Variants in TNIK observed in about 807,000 individuals in gnomAD.
TNIK encodes the protein TRAF2 and NCK-interacting protein kinase.
Under a neutral mutation model 191.3 loss-of-function variants are expected in TNIK, and 49 were observed. The observed-to-expected ratio is 0.26, with a 90% CI of 0.20 to 0.32. The LOEUF is 0.32. Among genes scored for constraint, TNIK ranks in the 10% least tolerant of loss-of-function variants. The pLI is 1.00. For missense variants in TNIK, 1,155 were observed against 1,702.3 expected, an observed-to-expected ratio of 0.68 and a Z score of 5.66; for synonymous variants, 594 against 600.9, an observed-to-expected ratio of 0.99 and a Z score of 0.17.
chr3:171,079,289 A>C (rs576160015), intron 28 of TNIK, among the ~76,000 whole-genome samples: 1 of 152,212 alleles, frequency 6.6e-6, no homozygotes. Flanking sequence ...TTTGGAAGAA[A>C]GTAGATATAA....
rs189467511 is a variant in TNIK, at chr3:171,155,951, C to T, written c.1221+1509G>A. Among the ~76,000 whole-genome samples, 66 of 152,304 alleles carry T rather than the reference C, an allele frequency of 4.3e-4. 1 individual carries two copies. The East Asian group carries it at 0.012, about 27-fold the overall frequency. On this transcript the variant is annotated intron_variant, in intron 12 of 32. Transcript: ENST00000436636. ...TAACAAGTTATTAACCTCTCTAAGA[C>T]TCAGCTGCATTATCTTTAGACTGGA...
At chr3:171,405,490 C>T (rs1487168964) in intron 1 of TNIK, among the ~76,000 whole-genome samples, 1 of 139,406 alleles carries the variant, frequency 7.2e-6, no homozygotes, top group African/African-American at 2.8e-5. Context: ...CAAGACAACT[C>T]TCAATCACCA....
intron 18 of TNIK, among the ~76,000 whole-genome samples, chr3:171,117,379 C>T (rs973103593): frequency 4.6e-5 from 7 of 152,286 alleles, no homozygotes; most frequent in Admixed American, 3.3e-4. Context: ...AATCTTGGCT[C>T]TACCACTTAC....
intron 1 of TNIK, among the ~76,000 whole-genome samples, chr3:171,390,735 G>A (rs1719388249): frequency 6.6e-6 from 1 of 152,224 alleles, no homozygotes; most frequent in South Asian, 2.1e-4. Context: ...GACTGGCAGA[G>A]AGGGTGCATA....
chr3:171,431,955 T>C (rs1428188140), intron 1 of TNIK, among the ~76,000 whole-genome samples: 1 of 152,240 alleles, frequency 6.6e-6, no homozygotes, highest in Non-Finnish European at 1.5e-5. Flanking sequence ...GGGAAATGAT[T>C]GATTTTCCTT....
At chr3:171,323,161 C>A (rs1755358582) in intron 2 of TNIK, among the ~76,000 whole-genome samples, 1 of 152,174 alleles carries the variant, frequency 6.6e-6, no homozygotes, top group Admixed American at 6.5e-5. Context: ...ATTGAAATAT[C>A]TACTCTCTAG....
At chr3:171,078,740 G>A (rs1004878716) in intron 28 of TNIK, among the ~76,000 whole-genome samples, 4 of 152,096 alleles carry the variant, frequency 2.6e-5, no homozygotes, top group African/African-American at 9.7e-5. Context: ...CACTTCAAAT[G>A]TTAGTACCTG....
rs867066838 is a variant in TNIK, at chr3:171,060,696, G to A, written c.*3185C>T. Among the ~76,000 whole-genome samples the A allele has an allele frequency of 6.6e-6, 1 of 152,156 alleles. No individual in the cohort carries two copies. Among genetic ancestry groups the A allele is most frequent in the African/African-American group, 2.4e-5 (1 of 41,442 alleles). ...CAGTGGTCTGGCTGGAACTGGCAGG[G>A]GGAAGAGCCTCATTATTTGAAGGAA... On this transcript the variant is annotated 3_prime_UTR_variant, in exon 33 of 33. Transcript: ENST00000436636.
At chr3:171,221,101 T>C (rs1450433875) in intron 3 of TNIK, among the ~76,000 whole-genome samples, 1 of 152,194 alleles carries the variant, frequency 6.6e-6, no homozygotes, top group Non-Finnish European at 1.5e-5. Flanking sequence ...CTACATGCTG[T>C]ATAGCATACA....
intron 2 of TNIK, among the ~76,000 whole-genome samples, chr3:171,338,275 T>C (rs190720141): frequency 6.6e-6 from 1 of 152,232 alleles, no homozygotes; most frequent in East Asian, 1.9e-4. Flanking sequence ...AAAAGTGACA[T>C]GTATAGGGGT....
At chr3:171,396,202 A>G (rs1163602847) in intron 1 of TNIK, among the ~76,000 whole-genome samples, 1 of 152,152 alleles carries the variant, frequency 6.6e-6, no homozygotes, top group Non-Finnish European at 1.5e-5. Flanking sequence ...ATGAAATCAT[A>G]CAATATGTGA....
At chr3:171,448,446 T>G (rs752196287) in intron 1 of TNIK, among the ~76,000 whole-genome samples, 3 of 152,204 alleles carry the variant, frequency 2.0e-5, no homozygotes, top group Non-Finnish European at 4.4e-5. Flanking sequence ...CAGCACTTCC[T>G]TTTATTGTAG....
At chr3:171,212,223 T>TCTC (rs1740921209) in intron 3 of TNIK, among the ~76,000 whole-genome samples, 1 of 152,098 alleles carries the variant, frequency 6.6e-6, no homozygotes, top group South Asian at 2.1e-4. Flanking sequence ...TGTCTCTGCA[T>TCTC]TACTGGGACT....
intron 2 of TNIK, among the ~76,000 whole-genome samples, chr3:171,358,772 C>A (rs761627351): frequency 6.6e-6 from 1 of 152,148 alleles, no homozygotes; most frequent in Non-Finnish European, 1.5e-5. Flanking sequence ...ATAAAGTGGG[C>A]TGTTGGTGAG....
intron 5 of TNIK, among the ~76,000 whole-genome samples, 186 bp from the exon 6 acceptor site, chr3:171,190,973 G>C (rs12495729): frequency 6.6e-6 from 1 of 151,926 alleles, no homozygotes; most frequent in Non-Finnish European, 1.5e-5. Flanking sequence ...ATAAATTAAA[G>C]TACCCAGGCA....
At chr3:171,260,974 C>T (rs980249949) in intron 2 of TNIK, among the ~76,000 whole-genome samples, 1 of 152,164 alleles carries the variant, frequency 6.6e-6, no homozygotes, top group Non-Finnish European at 1.5e-5. Flanking sequence ...AAAGGTTTAT[C>T]TTACATTAGG....
intron 2 of TNIK, among the ~76,000 whole-genome samples, chr3:171,286,559 C>T (rs1751034958): frequency 6.6e-6 from 1 of 152,168 alleles, no homozygotes; most frequent in African/African-American, 2.4e-5. Flanking sequence ...CACTTGAACC[C>T]AGGATGCAGA....
At position 171,319,111 on chromosome 3, in the gene TNIK, C is replaced by T. The variant is rs564614749; in HGVS notation, c.123+50509G>A. ...GGAAGATTTCTGGAGCCCGGGATTTCGAAGCTGCCGTGAGCTTTGATCCTG... is the reference window on the plus strand; with the variant it reads ...GGAAGATTTCTGGAGCCCGGGATTTTGAAGCTGCCGTGAGCTTTGATCCTG... On this transcript the variant is annotated intron_variant, in intron 2 of 32. Transcript: ENST00000436636. 2.6e-5 allele frequency among the ~76,000 whole-genome samples: 4 copies of T among 152,210 alleles called. No homozygotes were observed. In the South Asian group the frequency reaches 6.2e-4, roughly 24 times the overall value.
intron 12 of TNIK, among the ~76,000 whole-genome samples, chr3:171,147,005 G>C (rs931518863): frequency 1.3e-5 from 2 of 151,900 alleles, no homozygotes; most frequent in Non-Finnish European, 2.9e-5. Context: ...TTGCAAATCT[G>C]TTCATTCTAA....
Sources: gnomAD v4.1 joint callset for allele counts (sites outside exome capture counted in the v4.1 genomes callset) on GRCh38, gnomAD v4.1.1 for gene constraint, MANE v1.5 for transcripts, NCBI Gene and HGNC (gene_info 2026-07-23, HGNC 2026-07-21) for gene names.